TENM4: variants seen among roughly 807,000 people sequenced by gnomAD.
The protein encoded by TENM4 is teneurin-4.
In TENM4, 82 loss-of-function variants were observed where a neutral mutation model predicts 243.3. The observed-to-expected ratio is 0.34, with a 90% CI of 0.28 to 0.40. The LOEUF is 0.40. Ranked by LOEUF, TENM4 falls within the 10% of genes least tolerant of loss-of-function variation. The probability of loss-of-function intolerance (pLI) is 1.00; values close to 1 mark genes in which losing one functional copy is unlikely to be tolerated. For missense variants in TENM4, 3,138 were observed against 3,673.3 expected (o/e 0.85, Z 3.77); for synonymous variants, 1,412 against 1,456.3 (o/e 0.97, Z 0.69).
At chr11:79,103,660 A>C (rs1405229449) in intron 4 of TENM4, among the ~76,000 whole-genome samples, 1 of 152,232 alleles carries the variant, frequency 6.6e-6, no homozygotes, top group African/African-American at 2.4e-5. Flanking sequence ...GTACACATGG[A>C]TTGTAAGATA....
At chr11:79,173,820 T>G (rs1863102157) in intron 3 of TENM4, among the ~76,000 whole-genome samples, 1 of 152,122 alleles carries the variant, frequency 6.6e-6, no homozygotes, top group Non-Finnish European at 1.5e-5. Flanking sequence ...GGACTCACAG[T>G]GAAAACTGAA....
rs1855448697 is a variant in TENM4 at position 78,882,249 on chromosome 11, T to C, written c.1084+7536A>G. On this transcript the variant is annotated intron_variant, in intron 9 of 33. Coordinates refer to ENST00000278550, the MANE Select transcript of TENM4 (RefSeq NM_001098816.3). ...TGAGCCAGATGGAAATGAATGGGTG[T>C]TGGGGGGTGGATAAATTCACCCTGG... is the stretch of plus-strand genomic sequence containing the variant. 5.3e-5 allele frequency among the ~76,000 whole-genome samples: 8 copies of C among 152,214 alleles called. No homozygotes were observed. The South Asian group carries it at 1.7e-3, about 32-fold the overall frequency.
intron 2 of TENM4, among the ~76,000 whole-genome samples, chr11:79,269,186 G>A (rs1388662928): frequency 1.3e-5 from 2 of 152,164 alleles, no homozygotes; most frequent in East Asian, 3.9e-4. Flanking sequence ...TGAACATGCT[G>A]TTCAAAGTAG....
At chr11:79,370,779 T>TTAAAAAA (rs1857766526) in intron 1 of TENM4, among the ~76,000 whole-genome samples, 1 of 57,144 alleles carries the variant, frequency 1.7e-5, no homozygotes, top group Non-Finnish European at 3.2e-5. Context: ...ACTCCTATGG[T>TTAAAAAA]AAAAAAAAAA....
At chr11:79,244,726 A>G (rs184588493) in intron 2 of TENM4, among the ~76,000 whole-genome samples, 2 of 152,324 alleles carry the variant, frequency 1.3e-5, no homozygotes, top group East Asian at 3.9e-4. Flanking sequence ...CTTGTTATAA[A>G]ACAAACAGTC....
chr11:78,669,639 G>T lies in TENM4; in HGVS notation c.6706C>A (p.Pro2236Thr). ...LSPGNSARLT[P>T]LRYDIRDRIT... ...CGGTCGCGGATGTCATACCGTAGTG[G>T]TGTGAGCCGTGCACTGTTCCCAGGG... is the stretch of plus-strand genomic sequence containing the variant. The change falls in exon 32 of 34, where the codon CCA (proline) becomes ACA (threonine). Residue 2236 changes from proline (P) to threonine (T), a missense_variant. Around this residue, in one of 2 missense-constraint regions of TENM4, gnomAD observed 2,467 missense variants for 3,059.1 expected, o/e 0.81. Coordinates refer to ENST00000278550, the MANE Select transcript of TENM4 (RefSeq NM_001098816.3). The surrounding 1 kb of genome is among the most constrained non-coding windows in gnomAD (Gnocchi z 6.4). 6.2e-7 allele frequency: 1 copy of T among 1,614,036 alleles called. No homozygotes were observed. The highest frequency in any genetic ancestry group is 8.5e-7 in the Non-Finnish European group (1 of 1,179,908).
At chr11:78,725,316 G>T (rs992358134) in intron 23 of TENM4, among the ~76,000 whole-genome samples, 3 of 152,176 alleles carry the variant, frequency 2.0e-5, no homozygotes, top group Non-Finnish European at 4.4e-5. Context: ...CTGTGGTTTT[G>T]ATGGGCACTC....
At chr11:79,028,041 A>G (rs182767212) in intron 6 of TENM4, among the ~76,000 whole-genome samples, 1 of 152,314 alleles carries the variant, frequency 6.6e-6, no homozygotes, top group Admixed American at 6.5e-5. Context: ...AAGGTCTGTT[A>G]GGCCAGACAG....
chr11:78,796,436 G>A (rs1199233020), intron 15 of TENM4, among the ~76,000 whole-genome samples: 1 of 152,128 alleles, frequency 6.6e-6, no homozygotes, highest in African/African-American at 2.4e-5. Flanking sequence ...TGAAGAGACA[G>A]CTGATGTTAC....
intron 6 of TENM4, among the ~76,000 whole-genome samples, chr11:78,907,527 C>T (rs552385104): frequency 2.3e-4 from 35 of 152,284 alleles, no homozygotes; most frequent in South Asian, 8.3e-4. Flanking sequence ...CACTTCTCTT[C>T]GGTCCTTGGT....
intron 1 of TENM4, among the ~76,000 whole-genome samples, chr11:79,341,782 G>T (rs1266503509): frequency 6.6e-6 from 1 of 152,154 alleles, no homozygotes; most frequent in Non-Finnish European, 1.5e-5. Flanking sequence ...TAGATTATTT[G>T]TAACAATGAC....
At chr11:79,125,577 G>T (rs142980839) in intron 4 of TENM4, among the ~76,000 whole-genome samples, 1 of 152,110 alleles carries the variant, frequency 6.6e-6, no homozygotes, top group Non-Finnish European at 1.5e-5. Flanking sequence ...TGTGTGGGAC[G>T]ACCCTGATGA....
At position 78,676,368 on chromosome 11, in the gene TENM4, G is replaced by T; in HGVS notation, c.5280C>A (p.Tyr1760Ter). 6.2e-7 allele frequency: 1 copy of T among 1,602,472 alleles called. No individual in the cohort carries two copies. Among genetic ancestry groups the T allele is most frequent in the South Asian group, 1.1e-5 (1 of 90,578 alleles). The change falls in exon 30 of 34, where the codon TAC becomes TAA. Residue 1760 changes from tyrosine (Y) to a stop codon, truncating the protein, a stop_gained. Coordinates refer to ENST00000278550, the MANE Select transcript of TENM4 (RefSeq NM_001098816.3). LOFTEE classifies it high-confidence loss of function. ...GCAAGGAGCCATCGGCCCCGATGTA[G>T]TAGCTGTTCCGGACTTGGTCTGCAG... ...TLLQDQVRNS[Y>*]YIGADGSLRL...
intron 1 of TENM4, among the ~76,000 whole-genome samples, chr11:79,356,876 A>G (rs1437360454): frequency 6.6e-6 from 1 of 152,182 alleles, no homozygotes; most frequent in East Asian, 1.9e-4. Flanking sequence ...TCCACACTAT[A>G]TATCCATAAT....
chr11:79,035,960 A>G (rs1859367723), intron 6 of TENM4, among the ~76,000 whole-genome samples: 1 of 152,236 alleles, frequency 6.6e-6, no homozygotes. Flanking sequence ...AAAACATAAA[A>G]GATGATCTTA....
intron 6 of TENM4, among the ~76,000 whole-genome samples, chr11:78,910,785 C>A (rs757242673): frequency 6.6e-6 from 1 of 152,180 alleles, no homozygotes; most frequent in Admixed American, 6.5e-5. Flanking sequence ...TCTGCCTATT[C>A]ACTCCTTCTC....
At chr11:79,191,958 C>G (rs1302354243) in intron 3 of TENM4, among the ~76,000 whole-genome samples, 1 of 151,788 alleles carries the variant, frequency 6.6e-6, no homozygotes, top group Non-Finnish European at 1.5e-5. Flanking sequence ...GGGGTCAGCC[C>G]CCCGCCCAGC....
chr11:79,062,017 A>C (rs1860102827), intron 6 of TENM4, among the ~76,000 whole-genome samples: 1 of 146,848 alleles, frequency 6.8e-6, no homozygotes, highest in East Asian at 2.0e-4. Context: ...GCTGGAGTGC[A>C]GTGGTGCAAT....
chr11:79,238,298 G>C (rs1456956096), intron 2 of TENM4, among the ~76,000 whole-genome samples: 1 of 152,128 alleles, frequency 6.6e-6, no homozygotes, highest in Non-Finnish European at 1.5e-5. Context: ...CAGATATCTG[G>C]TTAAACATTA....
Sources: allele counts gnomAD v4.1 joint callset (sites outside exome capture counted in the v4.1 genomes callset), GRCh38; gene constraint gnomAD v4.1.1; regional missense constraint gnomAD v4.1.1; non-coding constraint Gnocchi (gnomAD v3.1); transcripts MANE v1.5; gene names NCBI Gene and HGNC (gene_info 2026-07-23, HGNC 2026-07-21).